Variants in SGCD observed in about 807,000 individuals in gnomAD.
SGCD encodes delta-sarcoglycan.
Under a neutral mutation model 36.6 loss-of-function variants are expected in SGCD, and 18 were observed. The ratio of observed to expected loss-of-function variants is 0.49; its 90% CI spans 0.34 to 0.73. SGCD has a LOEUF of 0.73. SGCD is among the 30% of genes least tolerant of loss of function. The pLI is 0.01. For missense variants in SGCD, 387 were observed against 346.7 expected (o/e 1.12, Z -0.92); for synonymous variants, 133 against 130.6 (o/e 1.02, Z -0.12).
chr5:155,894,280 T>G lies in SGCD; in HGVS notation c.-282+23856T>G, dbSNP rs909650116. 3.9e-5 allele frequency among the ~76,000 whole-genome samples: 6 copies of G among 152,368 alleles called. 1 individual carries two copies. The highest frequency in any genetic ancestry group is 3.9e-4 in the Admixed American group (6 of 15,304). On this transcript the variant is annotated intron_variant, in intron 1 of 9. Coordinates refer to the SGCD transcript ENST00000517913. ...AATGCATCATGCTATAGCCTTATTA[T>G]GGTTTCATCAGTAGGCAATAGAAAT...
intron 7 of SGCD, among the ~76,000 whole-genome samples, chr5:156,741,452 T>C (rs781470012): frequency 3.3e-5 from 5 of 152,204 alleles, no homozygotes; most frequent in African/African-American, 4.8e-5. Context: ...GTTTCCCATG[T>C]TTCACAGGTA....
At chr5:156,573,378 C>T (rs772896285) in intron 4 of SGCD, among the ~76,000 whole-genome samples, 15 of 152,094 alleles carry the variant, frequency 9.9e-5, no homozygotes, top group Non-Finnish European at 2.1e-4. Context: ...GTTTGAATAC[C>T]CTCATTTTTG....
intron 3 of SGCD, among the ~76,000 whole-genome samples, chr5:156,270,422 C>T (rs1379302407): frequency 1.3e-5 from 2 of 151,878 alleles, no homozygotes; most frequent in East Asian, 3.9e-4. Flanking sequence ...GTTAAATTCA[C>T]AATATAAAAA....
chr5:156,081,900 A>G (rs539747657), intron 1 of SGCD, among the ~76,000 whole-genome samples: 3 of 152,284 alleles, frequency 2.0e-5, no homozygotes, highest in African/African-American at 7.2e-5. Flanking sequence ...ACAGATGATT[A>G]TATGTCCTTC....
At chr5:156,377,923 G>A (rs1407016435) in intron 3 of SGCD, among the ~76,000 whole-genome samples, 1 of 152,124 alleles carries the variant, frequency 6.6e-6, no homozygotes, top group Non-Finnish European at 1.5e-5. Flanking sequence ...ATAGTGGTTT[G>A]AAACAACAAT....
In SGCD at chr5:156,737,005, G is replaced by C. The variant is rs142552022; in HGVS notation, c.576-20576G>C. Among the ~76,000 whole-genome samples, 1,031 of 152,268 alleles carry C rather than the reference G, an allele frequency of 6.8e-3. 5 individuals carry two copies. Among genetic ancestry groups the C allele is most frequent in the Non-Finnish European group, 0.012 (786 of 68,026 alleles). The stretch of plus-strand genomic sequence containing the variant: ...GAAATGGGTAATATAAAATTGCAAA[G>C]TAGGTAAGCTAGTTACTAACCAAAA... On this transcript the variant is annotated intron_variant, in intron 7 of 8. Transcript: ENST00000337851.
chr5:156,446,812 C>G (rs1753772623), intron 3 of SGCD, among the ~76,000 whole-genome samples: 1 of 152,194 alleles, frequency 6.6e-6, no homozygotes, highest in Admixed American at 6.5e-5. Context: ...ACTCCTCACA[C>G]TAGAGCTCAG....
chr5:156,345,715 C>T (rs1768905646), intron 3 of SGCD, among the ~76,000 whole-genome samples: 1 of 152,040 alleles, frequency 6.6e-6, no homozygotes, highest in Non-Finnish European at 1.5e-5. Context: ...AAGAAACAAA[C>T]CAAATAACAA....
chr5:156,134,110 C>A (rs1029657727), intron 3 of SGCD, among the ~76,000 whole-genome samples: 2 of 151,722 alleles, frequency 1.3e-5, no homozygotes, highest in South Asian at 4.2e-4. Flanking sequence ...ACCTTTTTTT[C>A]CCCCTTCAAC....
At chr5:155,925,099 C>G (rs535199179) in intron 1 of SGCD, among the ~76,000 whole-genome samples, 2 of 150,384 alleles carry the variant, frequency 1.3e-5, no homozygotes, top group Admixed American at 1.3e-4. Flanking sequence ...AGTGAAATAT[C>G]ATTTCCCTTA....
chr5:155,734,566 C>G, the SGCD span, among the ~76,000 whole-genome samples: 1 of 152,106 alleles, frequency 6.6e-6, no homozygotes, highest in Non-Finnish European at 1.5e-5. Flanking sequence ...TTTAAACTCC[C>G]CATACCCTTA....
chr5:156,238,545 T>C (rs1765224719), intron 3 of SGCD, among the ~76,000 whole-genome samples: 1 of 152,214 alleles, frequency 6.6e-6, no homozygotes, highest in Non-Finnish European at 1.5e-5. Context: ...AGACTTTATG[T>C]GATATAGTCC....
intron 1 of SGCD, among the ~76,000 whole-genome samples, chr5:155,902,895 C>T (rs985674785): frequency 6.6e-6 from 1 of 152,204 alleles, no homozygotes; most frequent in Non-Finnish European, 1.5e-5. Context: ...GAACATTCCA[C>T]TTACTGTTGG....
chr5:156,357,342 T>A (rs549482525), intron 3 of SGCD, among the ~76,000 whole-genome samples: 1 of 152,206 alleles, frequency 6.6e-6, no homozygotes, highest in Non-Finnish European at 1.5e-5. Context: ...GGTCAATATA[T>A]AAACCAAGAT....
intron 1 of SGCD, among the ~76,000 whole-genome samples, chr5:156,015,532 A>G (rs1758953295): frequency 2.0e-5 from 3 of 151,792 alleles, no homozygotes; most frequent in Non-Finnish European, 2.9e-5. Flanking sequence ...GTGGCTCATT[A>G]TTACTGGGGT....
intron 4 of SGCD, among the ~76,000 whole-genome samples, chr5:156,549,819 T>G (rs1183067200): frequency 6.6e-6 from 1 of 152,218 alleles, no homozygotes; most frequent in Admixed American, 6.5e-5. Flanking sequence ...CCAAACCCTT[T>G]CTACTAAATA....
intron 3 of SGCD, among the ~76,000 whole-genome samples, chr5:156,214,133 G>A (rs1044881249): frequency 1.3e-5 from 2 of 151,948 alleles, no homozygotes; most frequent in South Asian, 4.1e-4. Context: ...ATAAATAAAA[G>A]GCATCCAAAT....
At chr5:156,625,990 G>A (rs1357662383) in intron 6 of SGCD, among the ~76,000 whole-genome samples, 2 of 151,622 alleles carry the variant, frequency 1.3e-5, no homozygotes, top group African/African-American at 2.4e-5. Flanking sequence ...TTGACCCTTA[G>A]AGCAATACTT....
intron 3 of SGCD, among the ~76,000 whole-genome samples, chr5:156,482,011 C>T (rs556174429): frequency 6.6e-6 from 1 of 152,178 alleles, no homozygotes; most frequent in Admixed American, 6.5e-5. Flanking sequence ...TCCCAGTCCC[C>T]TCAAACAGAA....
Sources: gnomAD v4.1 joint callset for allele counts (sites outside exome capture counted in the v4.1 genomes callset) on GRCh38, gnomAD v4.1.1 for gene constraint, MANE v1.5 for transcripts, NCBI Gene and HGNC (gene_info 2026-07-23, HGNC 2026-07-21) for gene names.